The following SOX5 variants were observed in gnomAD, a reference collection of about 807,000 sequenced individuals.
The protein encoded by SOX5 is SRY-box transcription factor 5, also known as transcription factor SOX-5.
In SOX5, 9 loss-of-function variants were observed where a neutral mutation model predicts 92.0. The ratio of observed to expected loss-of-function variants is 0.10; its 90% confidence interval spans 0.06 to 0.17. The LOEUF is 0.17. Ranked by LOEUF, SOX5 falls within the 10% of genes least tolerant of loss-of-function variation. The probability of loss-of-function intolerance (pLI) is 1.00; values close to 1 mark genes in which losing one functional copy is unlikely to be tolerated. For missense variants in SOX5, 642 were observed against 944.5 expected (o/e 0.68, Z 4.20); for synonymous variants, 344 against 336.3 (o/e 1.02, Z -0.25).
chr12:24,470,866 A>G (rs1944742735), intron 1 of SOX5, among the ~76,000 whole-genome samples: 1 of 152,220 alleles, frequency 6.6e-6, no homozygotes, highest in African/African-American at 2.4e-5. Context: ...TAAACATGGT[A>G]ACATATAAAT....
intron 3 of SOX5, among the ~76,000 whole-genome samples, chr12:23,757,503 G>A (rs2094430058): frequency 6.6e-6 from 1 of 151,842 alleles, no homozygotes; most frequent in African/African-American, 2.4e-5. Flanking sequence ...TACATTCCCA[G>A]TAAACAGTTT....
intron 2 of SOX5, among the ~76,000 whole-genome samples, chr12:23,853,570 T>G: frequency 6.7e-6 from 1 of 148,292 alleles, no homozygotes; most frequent in African/African-American, 2.5e-5. Flanking sequence ...TTACCCCAAA[T>G]GCTCCTTCAG....
intron 9 of SOX5, among the ~76,000 whole-genome samples, chr12:23,584,968 C>T (rs186126851): frequency 5.9e-5 from 9 of 152,140 alleles, no homozygotes; most frequent in Admixed American, 3.9e-4. Context: ...ACTCTCTTTA[C>T]ACCCACATAT....
chr12:23,938,811 C>G (rs971064023), intron 1 of SOX5, among the ~76,000 whole-genome samples: 1 of 150,954 alleles, frequency 6.6e-6, no homozygotes, highest in Non-Finnish European at 1.5e-5. Flanking sequence ...GATCAATAAT[C>G]ATAAGTACAT....
At chr12:23,726,046 T>A (rs572216852) in intron 6 of SOX5, among the ~76,000 whole-genome samples, 1 of 152,088 alleles carries the variant, frequency 6.6e-6, no homozygotes, top group Admixed American at 6.5e-5. Flanking sequence ...CCTACTCATC[T>A]TTTCTTTCCC....
At chr12:24,194,389 C>A (rs766567269) in intron 4 of SOX5, among the ~76,000 whole-genome samples, 14 of 151,854 alleles carry the variant, frequency 9.2e-5, no homozygotes, top group Non-Finnish European at 1.8e-4. Flanking sequence ...GTGTCTGTAT[C>A]TATCTATCTA....
At chr12:24,266,194 G>T (rs1368277660) in intron 3 of SOX5, among the ~76,000 whole-genome samples, 1 of 151,976 alleles carries the variant, frequency 6.6e-6, no homozygotes, top group East Asian at 1.9e-4. Flanking sequence ...AATTACTAAA[G>T]GCTAAGCCAC....
Position 23,966,091 on chromosome 12 carries a change from T to C in SOX5, c.-1-70067A>G, listed in dbSNP as rs182043745. Reference sequence around the variant, plus strand: ...AAAATGTCCTTTCATAGGAACATATTCAATCATTGAAATTGAGGCCTAGGA... The same window carrying C: ...AAAATGTCCTTTCATAGGAACATATCCAATCATTGAAATTGAGGCCTAGGA... On this transcript the variant is annotated intron_variant, in intron 4 of 4. Coordinates refer to the SOX5 transcript ENST00000446891. Among the ~76,000 whole-genome samples, 18 of 152,014 alleles carry C rather than the reference T, an allele frequency of 1.2e-4. 1 individual carries two copies. The highest frequency in any genetic ancestry group is 7.9e-4 in the Admixed American group (12 of 15,252).
At chr12:23,712,016 G>A (rs573700714) in intron 6 of SOX5, among the ~76,000 whole-genome samples, 1 of 152,262 alleles carries the variant, frequency 6.6e-6, no homozygotes, top group Admixed American at 6.5e-5. Context: ...TGAGTAAATT[G>A]CTCAGGTCAT....
chr12:24,441,708 G>A (rs77786825), intron 1 of SOX5, among the ~76,000 whole-genome samples: 350 of 152,212 alleles, frequency 2.3e-3, no homozygotes, highest in African/African-American at 7.8e-3. Flanking sequence ...AAACAATGGG[G>A]GGAAAAAGAA....
At chr12:23,594,968 C>G (rs754056022) in intron 9 of SOX5, among the ~76,000 whole-genome samples, 1 of 152,106 alleles carries the variant, frequency 6.6e-6, no homozygotes, top group East Asian at 1.9e-4. Context: ...CTTTCTTGTC[C>G]CCAGCACACT....
Position 24,401,385 on chromosome 12 carries a change from A to C in SOX5, c.-250-32746T>G, listed in dbSNP as rs375665503. ...AAAAAAAAAAAAGTTATTTTTTGTT[A>C]TTACTATTATATTTTGAACTATGTC... On this transcript the variant is annotated intron_variant, in intron 1 of 4. Coordinates refer to the SOX5 transcript ENST00000446891. Among the ~76,000 whole-genome samples the C allele has an allele frequency of 5.2e-3, 773 of 149,972 alleles. 5 individuals carry two copies. The highest frequency in any genetic ancestry group is 0.017 in the African/African-American group (703 of 40,868).
intron 4 of SOX5, among the ~76,000 whole-genome samples, chr12:24,029,977 C>A (rs1955301790): frequency 1.3e-5 from 2 of 151,980 alleles, no homozygotes; most frequent in Non-Finnish European, 1.5e-5. Context: ...TGTATTAATA[C>A]CTTTCATTCT....
chr12:24,236,359 C>A (rs535775784), intron 3 of SOX5, among the ~76,000 whole-genome samples: 3 of 152,234 alleles, frequency 2.0e-5, no homozygotes, highest in African/African-American at 7.2e-5. Context: ...ATCAATCAGA[C>A]TACACATTAA....
chr12:24,072,789 C>T (rs1445444973), intron 4 of SOX5, among the ~76,000 whole-genome samples: 2 of 152,202 alleles, frequency 1.3e-5, no homozygotes, highest in Non-Finnish European at 2.9e-5. Context: ...AATATCACTT[C>T]ATGGTATAAT....
intron 1 of SOX5, among the ~76,000 whole-genome samples, chr12:24,508,174 T>A (rs1948979632): frequency 6.6e-6 from 1 of 152,146 alleles, no homozygotes; most frequent in Admixed American, 6.5e-5. Context: ...GGGTTAGATT[T>A]ACACATGCGT....
chr12:24,091,743 C>T (rs995614373), intron 4 of SOX5, among the ~76,000 whole-genome samples: 7 of 152,190 alleles, frequency 4.6e-5, no homozygotes, highest in African/African-American at 1.7e-4. Context: ...CTTTAAGAGA[C>T]ACCAATCATT....
At chr12:24,555,966 T>C (rs1279407931) in intron 1 of SOX5, among the ~76,000 whole-genome samples, 1 of 152,230 alleles carries the variant, frequency 6.6e-6, no homozygotes, top group Non-Finnish European at 1.5e-5. Flanking sequence ...TCCCAGCCAA[T>C]GACTGACAGT....
chr12:23,810,359 C>A (rs2095855786), intron 3 of SOX5, among the ~76,000 whole-genome samples: 2 of 152,052 alleles, frequency 1.3e-5, no homozygotes, highest in Admixed American at 1.3e-4. Context: ...CAATACCAGT[C>A]CCCTTTAAAA....
Sources: allele counts gnomAD v4.1 joint callset (sites outside exome capture counted in the v4.1 genomes callset), GRCh38; gene constraint gnomAD v4.1.1; transcripts MANE v1.5; gene names NCBI Gene and HGNC (gene_info 2026-07-23, HGNC 2026-07-21).